The following NDST3 variants were observed in gnomAD, a reference collection of about 807,000 sequenced individuals.
NDST3 encodes bifunctional heparan sulfate N-deacetylase/N-sulfotransferase 3.
In NDST3, 58 loss-of-function variants were observed where a neutral mutation model predicts 96.1. The ratio of observed to expected loss-of-function variants is 0.60; its 90% CI spans 0.49 to 0.75. The LOEUF (loss-of-function observed/expected upper bound fraction) is 0.75, where lower values mean the gene tolerates loss of function less well. NDST3 is among the 30% of genes least tolerant of loss of function. NDST3 has a pLI of 0.00. For missense variants in NDST3, 788 were observed against 1,034.2 expected (o/e 0.76, Z 3.27); for synonymous variants, 333 against 359.7 (o/e 0.93, Z 0.84).
chr4:118,233,171 T>G, intron 9 of NDST3, 36 bp downstream of exon 9: 1 of 1,577,688 alleles, frequency 6.3e-7, no homozygotes, highest in Non-Finnish European at 8.7e-7. Context: ...TAAAAGTATA[T>G]GTACTGTGCA....
intron 6 of NDST3, among the ~76,000 whole-genome samples, chr4:118,161,250 C>A (rs1735101560): frequency 1.3e-5 from 2 of 152,114 alleles, no homozygotes; most frequent in Non-Finnish European, 2.9e-5. Flanking sequence ...CAGAGGAGTA[C>A]CCGGCCGTGT....
intron 9 of NDST3, among the ~76,000 whole-genome samples, chr4:118,234,403 G>A (rs1210028529): frequency 6.6e-6 from 1 of 152,042 alleles, no homozygotes; most frequent in East Asian, 1.9e-4. Flanking sequence ...GACAGAGTGA[G>A]ACCCTCTCTC....
At chr4:118,065,469 T>C (rs1038995433) in intron 2 of NDST3, among the ~76,000 whole-genome samples, 9 of 152,034 alleles carry the variant, frequency 5.9e-5, no homozygotes, top group Non-Finnish European at 1.5e-5. Flanking sequence ...TCACCAAAGA[T>C]TGCTTGGTTG....
intron 2 of NDST3, among the ~76,000 whole-genome samples, chr4:118,078,758 A>AAT (rs1283996794): frequency 1.3e-5 from 2 of 151,376 alleles, no homozygotes; most frequent in Non-Finnish European, 3.0e-5. Context: ...AAAAAAAAAA[A>AAT]ATCAGTGTGG....
At chr4:118,081,847 G>A (rs568478735) in intron 2 of NDST3, among the ~76,000 whole-genome samples, 104 of 152,164 alleles carry the variant, frequency 6.8e-4, no homozygotes, top group South Asian at 3.9e-3. Context: ...CCAGCCAGTT[G>A]GCTTCCTGAG....
upstream of NDST3, chr4:118,033,596 G>C (rs4526047): frequency 1.3e-5 from 2 of 151,882 alleles, no homozygotes; most frequent in East Asian, 3.9e-4. Context: ...GGGAGGCGGC[G>C]GCTCCCGCCC....
chr4:118,244,249 C>T (rs1440422593), intron 12 of NDST3, among the ~76,000 whole-genome samples: 1 of 152,118 alleles, frequency 6.6e-6, no homozygotes. Context: ...ACCCTATGCC[C>T]TTTGTAGTTG....
chr4:118,184,612 C>CT (rs1227545951), intron 6 of NDST3, among the ~76,000 whole-genome samples: 26 of 149,838 alleles, frequency 1.7e-4, no homozygotes, highest in East Asian at 9.7e-4. Context: ...TACACACACA[C>CT]ACACACACAC....
chr4:118,167,551 A>G (rs1735634222), intron 6 of NDST3, among the ~76,000 whole-genome samples: 1 of 151,972 alleles, frequency 6.6e-6, no homozygotes, highest in Non-Finnish European at 1.5e-5. Flanking sequence ...ACCGAAATAG[A>G]AAAAACAATC....
intron 2 of NDST3, among the ~76,000 whole-genome samples, chr4:118,064,139 A>C (rs1726116845): frequency 6.6e-6 from 1 of 152,204 alleles, no homozygotes; most frequent in African/African-American, 2.4e-5. Flanking sequence ...TCTGGCGCTC[A>C]ATCAATTAAA....
At chr4:118,101,726 T>C (rs1296179905) in intron 2 of NDST3, among the ~76,000 whole-genome samples, 2 of 152,116 alleles carry the variant, frequency 1.3e-5, no homozygotes, top group African/African-American at 4.8e-5. Flanking sequence ...ACCACCAAAA[T>C]ATACATGCTA....
chr4:118,117,775 T>C (rs1731238004), intron 4 of NDST3, among the ~76,000 whole-genome samples: 1 of 152,226 alleles, frequency 6.6e-6, no homozygotes, highest in Admixed American at 6.5e-5. Flanking sequence ...GGTCTTCTAA[T>C]GTGGCATAAA....
intron 8 of NDST3, 91 bp from the exon 9 acceptor site, chr4:118,232,921 C>T: frequency 8.1e-7 from 1 of 1,231,508 alleles, no homozygotes; most frequent in Non-Finnish European, 1.1e-6. Context: ...CTGTTTGGAT[C>T]ATTCTAATAT....
chr4:118,116,071 TAAAC>T (rs1164796746), intron 4 of NDST3, among the ~76,000 whole-genome samples: 1 of 152,096 alleles, frequency 6.6e-6, no homozygotes, highest in Non-Finnish European at 1.5e-5. Context: ...CCTAAAAAAA[TAAAC>T]AAATAATAAG....
chr4:118,250,085 A>G (rs1453592637), intron 12 of NDST3, among the ~76,000 whole-genome samples: 1 of 152,144 alleles, frequency 6.6e-6, no homozygotes, highest in Non-Finnish European at 1.5e-5. Flanking sequence ...TGGATGTACC[A>G]CAATTTGTTT....
chr4:118,249,833 CAGTTCA>C (rs1741558970), intron 12 of NDST3, among the ~76,000 whole-genome samples: 1 of 151,884 alleles, frequency 6.6e-6, no homozygotes, highest in African/African-American at 2.4e-5. Context: ...TGTAATTGTG[CAGTTCA>C]ATGAATACAA....
intron 6 of NDST3, among the ~76,000 whole-genome samples, chr4:118,160,775 AT>A (rs1184690554): frequency 2.6e-5 from 4 of 151,958 alleles, no homozygotes; most frequent in Non-Finnish European, 4.4e-5. Context: ...ATTCGTCTAA[AT>A]TTTTTTCAAA....
intron 6 of NDST3, among the ~76,000 whole-genome samples, chr4:118,183,609 C>T (rs1435849954): frequency 6.6e-6 from 1 of 152,160 alleles, no homozygotes; most frequent in Non-Finnish European, 1.5e-5. Context: ...GAACTAGAGA[C>T]AAACACTAAT....
intron 1 of NDST3, among the ~76,000 whole-genome samples, chr4:118,038,823 G>A (rs1384528087): frequency 1.3e-5 from 2 of 151,966 alleles, no homozygotes; most frequent in Non-Finnish European, 2.9e-5. Flanking sequence ...TTTTCCAGAT[G>A]GTAATCTTTT....
Sources: allele counts gnomAD v4.1 joint callset (sites outside exome capture counted in the v4.1 genomes callset), GRCh38; gene constraint gnomAD v4.1.1; transcripts MANE v1.5; gene names NCBI Gene and HGNC (gene_info 2026-07-23, HGNC 2026-07-21).